The following LRFN2 variants were observed in gnomAD, a reference collection of about 807,000 sequenced individuals.
LRFN2 encodes the protein leucine rich repeat and fibronectin type III domain containing 2, also known as leucine-rich repeat and fibronectin type-III domain-containing protein 2.
LRFN2 carries 18 observed loss-of-function variants against 37.3 expected under a neutral mutation model. That is an observed-to-expected ratio of 0.48 (90% CI 0.33 to 0.72). The LOEUF (loss-of-function observed/expected upper bound fraction) is 0.72, where lower values mean the gene tolerates loss of function less well. LRFN2 is among the 30% of genes least tolerant of loss of function. The probability of loss-of-function intolerance (pLI) is 0.02; values close to 1 mark genes in which losing one functional copy is unlikely to be tolerated. For missense variants in LRFN2, 1,006 were observed against 1,060.7 expected (o/e 0.95, Z 0.72); for synonymous variants, 556 against 466.6 (o/e 1.19, Z -2.47).
intron 1 of LRFN2, among the ~76,000 whole-genome samples, chr6:40,510,163 G>A (rs1430900019): frequency 6.6e-6 from 1 of 152,038 alleles, no homozygotes; most frequent in Admixed American, 6.6e-5. Context: ...ACAGGTAGGA[G>A]GGGTGGGTGC....
At chr6:40,578,247 T>G (rs1356074866) in intron 1 of LRFN2, among the ~76,000 whole-genome samples, 2 of 152,202 alleles carry the variant, frequency 1.3e-5, no homozygotes, top group Non-Finnish European at 2.9e-5. Flanking sequence ...AATGAGATCT[T>G]CCTTCCCCAC....
intron 2 of LRFN2, among the ~76,000 whole-genome samples, chr6:40,424,257 G>A (rs531518586): frequency 5.0e-4 from 76 of 152,192 alleles, no homozygotes; most frequent in Admixed American, 3.4e-3. Context: ...ACTGAGTCTC[G>A]ACTAAAGCTG....
intron 1 of LRFN2, among the ~76,000 whole-genome samples, chr6:40,560,429 G>A (rs886512090): frequency 6.6e-6 from 1 of 152,146 alleles, no homozygotes; most frequent in African/African-American, 2.4e-5. Flanking sequence ...ATGATGGACC[G>A]CACCATCATG....
intron 1 of LRFN2, among the ~76,000 whole-genome samples, chr6:40,559,466 A>T (rs35048510): frequency 6.6e-6 from 1 of 151,998 alleles, no homozygotes; most frequent in Admixed American, 6.5e-5. Flanking sequence ...GGGTGGTCCC[A>T]GGCCTGAGTG....
At chr6:40,538,486 A>T (rs951309389) in intron 1 of LRFN2, among the ~76,000 whole-genome samples, 3 of 152,370 alleles carry the variant, frequency 2.0e-5, no homozygotes, top group Admixed American at 1.3e-4. Flanking sequence ...TGGCTGGCTT[A>T]AGAAGAGAAA....
chr6:40,430,228 G>T (rs1038917031), intron 2 of LRFN2, among the ~76,000 whole-genome samples: 2 of 152,156 alleles, frequency 1.3e-5, no homozygotes, highest in East Asian at 3.9e-4. Context: ...CCAAGTAAGG[G>T]GAGTTCCCCA....
chr6:40,527,203 G>A (rs1766270608), intron 1 of LRFN2, among the ~76,000 whole-genome samples: 1 of 152,216 alleles, frequency 6.6e-6, no homozygotes. Flanking sequence ...GAAGCTACCT[G>A]AAGGAAGGCC....
chr6:40,393,013 G>C (rs3734556), intron 2 of LRFN2, 101 bp from the exon 3 acceptor site: 10 of 1,005,132 alleles, frequency 9.9e-6, no homozygotes, highest in Non-Finnish European at 1.3e-5. Context: ...GAGATGGGGA[G>C]GGGGAGGGGA....
At chr6:40,453,468 A>C (rs536653379) in intron 1 of LRFN2, among the ~76,000 whole-genome samples, 6 of 148,312 alleles carry the variant, frequency 4.0e-5, no homozygotes, top group South Asian at 2.2e-4. Flanking sequence ...ACCACCACCC[A>C]CCACTCCTCA....
intron 1 of LRFN2, among the ~76,000 whole-genome samples, chr6:40,554,392 A>C (rs1766831656): frequency 6.6e-6 from 1 of 152,118 alleles, no homozygotes; most frequent in Non-Finnish European, 1.5e-5. Context: ...GCTAGAATGC[A>C]AGATGGATGG....
At chr6:40,469,217 A>G (rs886935207) in intron 1 of LRFN2, among the ~76,000 whole-genome samples, 3 of 152,144 alleles carry the variant, frequency 2.0e-5, no homozygotes, top group Non-Finnish European at 2.9e-5. Context: ...AGTCATCAGA[A>G]ACTAGAAGAG....
intron 1 of LRFN2, among the ~76,000 whole-genome samples, chr6:40,443,787 G>C (rs1339141328): frequency 6.6e-6 from 1 of 152,182 alleles, no homozygotes. Context: ...ACAAAGAAGA[G>C]GTGGCATAGC....
intron 1 of LRFN2, chr6:40,516,506 C>T (rs1765879135): frequency 6.6e-6 from 1 of 152,200 alleles, no homozygotes; most frequent in Non-Finnish European, 1.5e-5. Flanking sequence ...GGGTGGCCCA[C>T]ATGCCACTGT....
At chr6:40,491,515 A>T (rs1175067134) in intron 1 of LRFN2, among the ~76,000 whole-genome samples, 15 of 117,630 alleles carry the variant, frequency 1.3e-4, no homozygotes, top group East Asian at 5.8e-4. Flanking sequence ...TGTTTCCCTC[A>T]CTCTATTTTG....
intron 2 of LRFN2, among the ~76,000 whole-genome samples, chr6:40,422,436 G>A (rs528703145): frequency 6.3e-4 from 96 of 152,128 alleles, no homozygotes; most frequent in African/African-American, 2.1e-3. Context: ...AGCTGACTCA[G>A]AATCCCTTTT....
At chr6:40,538,983 T>C (rs1368846868) in intron 1 of LRFN2, among the ~76,000 whole-genome samples, 1 of 152,214 alleles carries the variant, frequency 6.6e-6, no homozygotes, top group African/African-American at 2.4e-5. Context: ...GTTCTGGTCT[T>C]TTCACACCCT....
chr6:40,429,034 T>G (rs1400859807), intron 2 of LRFN2, among the ~76,000 whole-genome samples: 1 of 152,228 alleles, frequency 6.6e-6, no homozygotes, highest in Non-Finnish European at 1.5e-5. Context: ...TGTTTACTAC[T>G]ATGTGCTCCC....
At position 40,559,015 on chromosome 6, in the gene LRFN2, G is replaced by T. The variant is rs149912025; in HGVS notation, c.-19+27926C>A. Among the ~76,000 whole-genome samples the T allele has an allele frequency of 5.0e-3, 762 of 152,244 alleles. 4 individuals are homozygous for T. The highest frequency in any genetic ancestry group is 6.7e-3 in the Non-Finnish European group (454 of 68,026). ...GGAAGGCAACCCCAGGTGTCCCAAA[G>T]AAGTGATTTGTAAAGACAATAAGGG... On this transcript the variant is annotated intron_variant, in intron 1 of 2. Transcript: ENST00000338305.
At chr6:40,583,530 T>C (rs1767444252) in intron 1 of LRFN2, among the ~76,000 whole-genome samples, 1 of 152,170 alleles carries the variant, frequency 6.6e-6, no homozygotes, top group African/African-American at 2.4e-5. Flanking sequence ...AGTATAATTA[T>C]ATTTGACATT....
Sources: allele counts gnomAD v4.1 joint callset (sites outside exome capture counted in the v4.1 genomes callset), GRCh38; gene constraint gnomAD v4.1.1; transcripts MANE v1.5; gene names NCBI Gene and HGNC (gene_info 2026-07-23, HGNC 2026-07-21).